RAB38: variants seen among roughly 807,000 people sequenced by gnomAD.
RAB38 encodes the protein ras-related protein Rab-38.
A neutral mutation model predicts 18.4 loss-of-function variants in RAB38; 15 were observed. The ratio of observed to expected loss-of-function variants is 0.82; its 90% confidence interval spans 0.55 to 1.26. The LOEUF (loss-of-function observed/expected upper bound fraction) is 1.26. Ranked by LOEUF, RAB38 falls within the 50% of genes most tolerant of loss-of-function variation. The pLI is 0.00. For missense variants in RAB38, 294 were observed against 267.4 expected (o/e 1.10, Z -0.69); for synonymous variants, 101 against 104.4 (o/e 0.97, Z 0.20).
intron 2 of RAB38, among the ~76,000 whole-genome samples, chr11:88,131,751 C>A (rs1042912374): frequency 2.0e-5 from 3 of 152,192 alleles, no homozygotes; most frequent in Admixed American, 2.0e-4. Flanking sequence ...ATGTCCACCC[C>A]CTAGGGTCAT....
the RAB38 span, among the ~76,000 whole-genome samples, chr11:87,833,592 G>T: frequency 3.9e-3 from 600 of 152,264 alleles, 3 homozygotes; most frequent in African/African-American, 0.013. Flanking sequence ...CTAAAAACTT[G>T]AAATATAGTA....
chr11:87,811,623 T>C, the RAB38 span, among the ~76,000 whole-genome samples: 1 of 152,176 alleles, frequency 6.6e-6, no homozygotes, highest in Non-Finnish European at 1.5e-5. Flanking sequence ...CTCTCAGTTG[T>C]ACGGTGAACA....
intron 1 of RAB38, among the ~76,000 whole-genome samples, chr11:88,168,479 G>C (rs994991044): frequency 6.6e-6 from 1 of 152,024 alleles, no homozygotes; most frequent in Non-Finnish European, 1.5e-5. Flanking sequence ...TTTCCCATCA[G>C]ATCACTTTTC....
At chr11:88,109,830 G>A (rs1942450351), downstream of RAB38, among the ~76,000 whole-genome samples, 4 of 152,238 alleles carry the variant, frequency 2.6e-5, no homozygotes, top group Middle Eastern at 3.4e-3. Flanking sequence ...ACCATCTAAT[G>A]CCAGTTAGAA....
chr11:87,828,228 C>T, the RAB38 span, among the ~76,000 whole-genome samples: 1 of 152,028 alleles, frequency 6.6e-6, no homozygotes, highest in Admixed American at 6.5e-5. Flanking sequence ...ATACCAAATC[C>T]TCAAATAATT....
the RAB38 span, among the ~76,000 whole-genome samples, chr11:87,813,801 C>T: frequency 1.9e-3 from 296 of 152,164 alleles, no homozygotes; most frequent in African/African-American, 5.1e-3. Context: ...AATCGTATGA[C>T]GGTGGTGGCT....
intron 1 of RAB38, among the ~76,000 whole-genome samples, chr11:88,150,832 C>T (rs1266207274): frequency 2.0e-5 from 3 of 152,152 alleles, no homozygotes; most frequent in African/African-American, 7.2e-5. Flanking sequence ...CTCTCTTCCG[C>T]AGGCTTAGAT....
intron 2 of RAB38, among the ~76,000 whole-genome samples, chr11:88,119,156 T>C (rs1591154134): frequency 6.6e-6 from 1 of 152,128 alleles, no homozygotes; most frequent in Non-Finnish European, 1.5e-5. Context: ...TTAAAACAAA[T>C]ATGTTACCAG....
chr11:87,930,638 A>G, the RAB38 span, among the ~76,000 whole-genome samples: 1 of 151,966 alleles, frequency 6.6e-6, no homozygotes, highest in Admixed American at 6.6e-5. Flanking sequence ...GAAGCATTTG[A>G]CCATGCCTAT....
intron 2 of RAB38, among the ~76,000 whole-genome samples, chr11:88,123,298 TACAA>T (rs1422254712): frequency 6.6e-4 from 101 of 152,252 alleles, no homozygotes; most frequent in African/African-American, 2.1e-3. Flanking sequence ...GCACAGTGCC[TACAA>T]ACAGTAGGCA....
the RAB38 span, among the ~76,000 whole-genome samples, chr11:87,822,828 C>T: frequency 6.6e-6 from 1 of 152,064 alleles, no homozygotes; most frequent in Admixed American, 6.6e-5. Context: ...GATTTTTTAA[C>T]AGGACACATC....
At chr11:87,887,897 A>G in the RAB38 span, among the ~76,000 whole-genome samples, 1 of 151,054 alleles carries the variant, frequency 6.6e-6, no homozygotes, top group Non-Finnish European at 1.5e-5. Context: ...GACTATTCTG[A>G]GTAAGCTTTG....
the RAB38 span, among the ~76,000 whole-genome samples, chr11:88,034,500 TGTCA>T: frequency 3.4e-4 from 52 of 152,372 alleles, no homozygotes; most frequent in Admixed American, 1.4e-3. Flanking sequence ...TCTGAATTCT[TGTCA>T]GTATTTGATG....
At chr11:88,078,325 A>G in the RAB38 span, among the ~76,000 whole-genome samples, 1 of 152,022 alleles carries the variant, frequency 6.6e-6, no homozygotes, top group African/African-American at 2.4e-5. Context: ...TATATATCCA[A>G]AAGAAAGAAA....
chr11:87,926,070 A>G, the RAB38 span, among the ~76,000 whole-genome samples: 8 of 151,708 alleles, frequency 5.3e-5, no homozygotes, highest in Admixed American at 3.9e-4. Flanking sequence ...AGAGACAGCC[A>G]CTCTGTTAAT....
the RAB38 span, among the ~76,000 whole-genome samples, chr11:88,058,311 G>A: frequency 6.6e-6 from 1 of 152,074 alleles, no homozygotes; most frequent in Non-Finnish European, 1.5e-5. Flanking sequence ...AATACCTAGA[G>A]GAACAAATGA....
chr11:88,069,468 G>C, the RAB38 span, among the ~76,000 whole-genome samples: 1 of 152,220 alleles, frequency 6.6e-6, no homozygotes, highest in African/African-American at 2.4e-5. Context: ...CTCCAACCAC[G>C]GCCCTGGTGC....
At chr11:87,840,422 C>T in the RAB38 span, among the ~76,000 whole-genome samples, 15 of 152,094 alleles carry the variant, frequency 9.9e-5, no homozygotes, top group African/African-American at 2.9e-4. Context: ...GATTGGATTT[C>T]GCTAAGTGAT....
intron 1 of RAB38, among the ~76,000 whole-genome samples, chr11:88,155,299 G>A (rs1174546090): frequency 1.6e-4 from 24 of 152,144 alleles, no homozygotes; most frequent in Admixed American, 1.4e-3. Flanking sequence ...GAGAGCTTCC[G>A]CCAGTAAACA....
Sources: gnomAD v4.1 joint callset for allele counts (sites outside exome capture counted in the v4.1 genomes callset) on GRCh38, gnomAD v4.1.1 for gene constraint, MANE v1.5 for transcripts, NCBI Gene and HGNC (gene_info 2026-07-23, HGNC 2026-07-21) for gene names.